ZNF536: variants seen among roughly 807,000 people sequenced by gnomAD.
ZNF536 encodes zinc finger protein 536.
A neutral mutation model predicts 84.5 loss-of-function variants in ZNF536; 13 were observed. The ratio of observed to expected loss-of-function variants is 0.15; its 90% confidence interval spans 0.10 to 0.24. The LOEUF (loss-of-function observed/expected upper bound fraction) is 0.24. ZNF536 is among the 10% of genes least tolerant of loss of function. The probability of loss-of-function intolerance (pLI) is 1.00; values close to 1 mark genes in which losing one functional copy is unlikely to be tolerated. For missense variants in ZNF536, 1,536 were observed against 1,747.5 expected (o/e 0.88, Z 2.16); for synonymous variants, 811 against 742.5 (o/e 1.09, Z -1.50).
At chr19:30,308,870 G>A (rs1376925004) in intron 2 of ZNF536, among the ~76,000 whole-genome samples, 1 of 152,170 alleles carries the variant, frequency 6.6e-6, no homozygotes, top group East Asian at 1.9e-4. Flanking sequence ...GATCTTTGGT[G>A]ATGAGGCCAG....
At position 30,336,380 on chromosome 19, in the gene ZNF536, C is replaced by G. The variant is rs537952737; in HGVS notation, c.-119-15988C>G. 1.7e-3 allele frequency among the ~76,000 whole-genome samples: 265 copies of G among 152,316 alleles called. 1 individual carries two copies. The highest frequency in any genetic ancestry group is 0.01 in the Middle Eastern group (3 of 294). ...ATGAGCGGATGAATGAACAGGACAC[C>G]TCCACGTGGAATGCAAATGCTGTTG... On this transcript the variant is annotated intron_variant, in intron 2 of 5. Coordinates refer to the ZNF536 transcript ENST00000585628.
chr19:30,631,656 C>T (rs1408124975), intron 1 of ZNF536, among the ~76,000 whole-genome samples: 2 of 152,104 alleles, frequency 1.3e-5, no homozygotes, highest in East Asian at 3.9e-4. Flanking sequence ...CTAGAGTGAT[C>T]GATGGCTCTT....
At chr19:30,443,329 A>G (rs2052151855) in intron 1 of ZNF536, among the ~76,000 whole-genome samples, 1 of 152,276 alleles carries the variant, frequency 6.6e-6, no homozygotes, top group Non-Finnish European at 1.5e-5. Context: ...CAGTCTGTAA[A>G]TAGAAAATAC....
At chr19:30,490,113 C>A (rs2054450303) in intron 2 of ZNF536, among the ~76,000 whole-genome samples, 1 of 152,116 alleles carries the variant, frequency 6.6e-6, no homozygotes, top group Non-Finnish European at 1.5e-5. Flanking sequence ...TTCATGTGAA[C>A]CTGCAGAGAA....
At chr19:30,712,444 G>C (rs1476835073) in exon 2 of ZNF536, 1 of 151,102 alleles carries the variant, frequency 6.6e-6, no homozygotes, top group Non-Finnish European at 1.5e-5. Flanking sequence ...AAAAAAAAAG[G>C]TCAATATTTC....
intron 1 of ZNF536, among the ~76,000 whole-genome samples, chr19:30,694,693 AGT>A: frequency 1.3e-5 from 2 of 152,092 alleles, no homozygotes. Context: ...TTAAAGAAAT[AGT>A]GTTGGGGGAA....
chr19:30,226,171 G>A (rs1431901594), upstream of ZNF536, among the ~76,000 whole-genome samples: 1 of 151,186 alleles, frequency 6.6e-6, no homozygotes, highest in African/African-American at 2.4e-5. This position sits in a 1 kb window ranked among gnomAD's most constrained non-coding sequence, Gnocchi z 4.6. Flanking sequence ...ACCCGCGAGC[G>A]GCCCGCGAGC....
chr19:30,504,863 A>G (rs1040158145), intron 2 of ZNF536, among the ~76,000 whole-genome samples: 2 of 152,128 alleles, frequency 1.3e-5, no homozygotes, highest in Non-Finnish European at 2.9e-5. Flanking sequence ...AGGATGTTAT[A>G]TGATCCGCAA....
chr19:30,648,093 C>T (rs561951570), intron 1 of ZNF536, among the ~76,000 whole-genome samples: 1 of 152,262 alleles, frequency 6.6e-6, no homozygotes, highest in African/African-American at 2.4e-5. Flanking sequence ...GTGGGCTCAT[C>T]CTCAGATGGA....
chr19:30,703,739 G>A (rs2052097848), intron 1 of ZNF536, among the ~76,000 whole-genome samples: 1 of 152,178 alleles, frequency 6.6e-6, no homozygotes. Flanking sequence ...GACAGCAGCA[G>A]CCGTGCCAAT....
chr19:30,546,404 A>G (rs1042993471), intron 3 of ZNF536, among the ~76,000 whole-genome samples: 7 of 152,162 alleles, frequency 4.6e-5, no homozygotes, highest in Non-Finnish European at 7.3e-5. Context: ...CCTCTGAAAA[A>G]GTGTCCAGGA....
intron 3 of ZNF536, among the ~76,000 whole-genome samples, chr19:30,352,744 G>A (rs1158457721): frequency 6.6e-6 from 1 of 152,108 alleles, no homozygotes; most frequent in African/African-American, 2.4e-5. Flanking sequence ...TTGGGGATGG[G>A]TGGGGAAGAG....
intron 2 of ZNF536, among the ~76,000 whole-genome samples, chr19:30,453,307 T>C (rs2052694351): frequency 6.6e-6 from 1 of 152,114 alleles, no homozygotes; most frequent in Non-Finnish European, 1.5e-5. Context: ...ATAAGACAGG[T>C]CTACCTCGGG....
intron 1 of ZNF536, among the ~76,000 whole-genome samples, chr19:30,248,396 A>ATTTTTTTTTTT (rs34048586): frequency 7.5e-6 from 1 of 133,976 alleles, no homozygotes; most frequent in Non-Finnish European, 1.6e-5. Flanking sequence ...TGCCCTGCTA[A>ATTTTTTTTTTT]TTTTTTTTTT....
intron 1 of ZNF536, among the ~76,000 whole-genome samples, chr19:30,568,762 T>A (rs556152336): frequency 1.3e-5 from 2 of 152,244 alleles, no homozygotes; most frequent in South Asian, 4.2e-4. Flanking sequence ...TCTGGCACAG[T>A]GGGACCCCGG....
chr19:30,331,254 A>C (rs773077231), intron 2 of ZNF536, among the ~76,000 whole-genome samples: 2 of 129,226 alleles, frequency 1.5e-5, no homozygotes, highest in African/African-American at 5.9e-5. Context: ...ACTGCACTCC[A>C]CACTCCAGCC....
chr19:30,438,187 C>G (rs1436146070), intron 1 of ZNF536, among the ~76,000 whole-genome samples: 1 of 151,964 alleles, frequency 6.6e-6, no homozygotes, highest in African/African-American at 2.4e-5. Context: ...TATAGTGCAC[C>G]CATCAACCAA....
At chr19:30,257,036 A>G (rs771983182) in intron 1 of ZNF536, among the ~76,000 whole-genome samples, 6 of 152,198 alleles carry the variant, frequency 3.9e-5, no homozygotes, top group Non-Finnish European at 7.3e-5. Flanking sequence ...AATGTTCGCC[A>G]TTTTACCATA....
intron 2 of ZNF536, among the ~76,000 whole-genome samples, chr19:30,348,442 C>A (rs781572158): frequency 2.6e-5 from 4 of 152,140 alleles, no homozygotes; most frequent in Non-Finnish European, 5.9e-5. Context: ...ATGTCCCTTA[C>A]GTGCTGAGGT....
Sources: allele counts gnomAD v4.1 joint callset (sites outside exome capture counted in the v4.1 genomes callset), GRCh38; gene constraint gnomAD v4.1.1; non-coding constraint Gnocchi (gnomAD v3.1); transcripts MANE v1.5; gene names NCBI Gene and HGNC (gene_info 2026-07-23, HGNC 2026-07-21).